Variants in AGPAT4 observed in about 807,000 individuals in gnomAD.
The protein encoded by AGPAT4 is 1-acylglycerol-3-phosphate O-acyltransferase 4, also known as 1-acyl-sn-glycerol-3-phosphate acyltransferase delta.
Under a neutral mutation model 48.0 loss-of-function variants are expected in AGPAT4, and 15 were observed. The observed-to-expected ratio is 0.31, with a 90% confidence interval of 0.21 to 0.48. The LOEUF is 0.48. Ranked by LOEUF, AGPAT4 falls within the 20% of genes least tolerant of loss-of-function variation. The pLI, the probability that AGPAT4 is intolerant of heterozygous loss-of-function variation, is 0.99. For synonymous variants in AGPAT4, 178 were observed against 198.7 expected (o/e 0.90, Z 0.88); for missense variants, 314 against 482.5 (o/e 0.65, Z 3.27).
chr6:161,166,099 G>T lies in AGPAT4; in HGVS notation c.348+149C>A, dbSNP rs1780088440. On this transcript the variant is annotated intron_variant, in intron 3 of 8. Transcript: ENST00000320285. The surrounding 1 kb of genome is among the most constrained non-coding windows in gnomAD (Gnocchi z 6.7). ...AGCTGTTAAGACTGACTCCCAGCAA[G>T]AATAAAAAGCAGTTTATTAGGACCA... 1 of 1,058,626 alleles carries T rather than the reference G, an allele frequency of 9.4e-7. No homozygotes were observed. Among genetic ancestry groups the T allele is most frequent in the Non-Finnish European group, 1.4e-6 (1 of 732,372 alleles). The allele number at this position is 1,058,626 out of a possible 1,614,324, so 65.6% of individuals were successfully genotyped here. A position where few individuals can be genotyped will look rare whatever the true frequency, so the allele number is the denominator to read the frequency against.
Position 161,195,628 on chromosome 6 carries a change from G to A in AGPAT4, c.179-29211C>T, listed in dbSNP as rs1337493142. Among the ~76,000 whole-genome samples, 2 of 152,240 alleles carry A rather than the reference G, an allele frequency of 1.3e-5. No individual in the cohort carries two copies. Among genetic ancestry groups the A allele is most frequent in the African/African-American group, 4.8e-5 (2 of 41,458 alleles). ...TCATCATGTGATCAAAGCTGCAGAA[G>A]GAGAAAGAGACCTTGCATCAGGCTG... On this transcript the variant is annotated intron_variant, in intron 2 of 8. Coordinates refer to ENST00000320285, the MANE Select transcript of AGPAT4 (RefSeq NM_020133.3). The surrounding 1 kb of genome is among the most constrained non-coding windows in gnomAD (Gnocchi z 5.0).
Position 161,202,369 on chromosome 6 carries a change from A to AATGTC in AGPAT4, c.178+29662_178+29666dup, listed in dbSNP as rs1292581679. 5.3e-5 allele frequency among the ~76,000 whole-genome samples: 8 copies of AATGTC among 151,846 alleles called. No homozygotes were observed. Among genetic ancestry groups the AATGTC allele is most frequent in the African/African-American group, 1.7e-4 (7 of 41,322 alleles). ...TGATGCCTGAATGTCTTCATGCTTGAATGTCATGGTAGTTGGCTTCCTCTG... is the reference window on the plus strand; with the variant it reads ...TGATGCCTGAATGTCTTCATGCTTGAATGTCATGTCATGGTAGTTGGCTTCCTCTG... On this transcript the variant is annotated intron_variant, in intron 2 of 8. Transcript: ENST00000320285. This position sits in a 1 kb window ranked among gnomAD's most constrained non-coding sequence, Gnocchi z 5.4.
At chr6:161,176,459 C>A (rs1780431175) in intron 2 of AGPAT4, among the ~76,000 whole-genome samples, 1 of 152,140 alleles carries the variant, frequency 6.6e-6, no homozygotes, top group Non-Finnish European at 1.5e-5. Flanking sequence ...GGATTTGCAA[C>A]CCCTGCTTTT....
intron 2 of AGPAT4, among the ~76,000 whole-genome samples, chr6:161,209,197 A>G (rs1781459805): frequency 6.6e-6 from 1 of 152,090 alleles, no homozygotes; most frequent in Non-Finnish European, 1.5e-5. Flanking sequence ...CCCTCTGGAG[A>G]AGAGCTGAGC....
At position 161,198,612 on chromosome 6, in the gene AGPAT4, C is replaced by T. The variant is rs1781133590; in HGVS notation, c.179-32195G>A. ...CTGGGTTACATCCTGGCCCCACCATCTACTACTTGTGAGACTTTGGACATG... is the reference window on the plus strand; with the variant it reads ...CTGGGTTACATCCTGGCCCCACCATTTACTACTTGTGAGACTTTGGACATG... On this transcript the variant is annotated intron_variant, in intron 2 of 8. Coordinates refer to ENST00000320285, the MANE Select transcript of AGPAT4 (RefSeq NM_020133.3). This position sits in a 1 kb window ranked among gnomAD's most constrained non-coding sequence, Gnocchi z 4.3. 6.6e-6 allele frequency among the ~76,000 whole-genome samples: 1 copy of T among 152,244 alleles called. No homozygotes were observed. The highest frequency in any genetic ancestry group is 2.4e-5 in the African/African-American group (1 of 41,460).
rs563689060 is a variant in AGPAT4, at chr6:161,189,497, C to T, written c.179-23080G>A. Among the ~76,000 whole-genome samples the T allele has an allele frequency of 7.2e-5, 11 of 152,228 alleles. No individual in the cohort carries two copies. The highest frequency in any genetic ancestry group is 2.9e-5 in the Non-Finnish European group (2 of 68,036). On this transcript the variant is annotated intron_variant, in intron 2 of 8. Transcript: ENST00000320285. The surrounding 1 kb of genome is among the most constrained non-coding windows in gnomAD (Gnocchi z 5.3). ...TGAGGCTCGTCACATGCGGAATTCA[C>T]TTACTTACAACCTTAGTTGCCCGTC... is the stretch of plus-strand genomic sequence containing the variant.
chr6:161,153,737 G>T (rs910722), intron 4 of AGPAT4, among the ~76,000 whole-genome samples: 25,304 of 108,456 alleles, frequency 0.23, 2,967 homozygotes, highest in African/African-American at 0.35. Context: ...AGCCCCAGGG[G>T]CACATATGGC....
At position 161,204,751 on chromosome 6, in the gene AGPAT4, C is replaced by T. The variant is rs1337409079; in HGVS notation, c.178+27285G>A. ...TGCCAAGCAGAGAGGATACAGACCA[C>T]GGTGGGGCTGATCAAAGAGGCAGGA... is the stretch of plus-strand genomic sequence containing the variant. On this transcript the variant is annotated intron_variant, in intron 2 of 8. Coordinates refer to ENST00000320285, the MANE Select transcript of AGPAT4 (RefSeq NM_020133.3). The surrounding 1 kb of genome is among the most constrained non-coding windows in gnomAD (Gnocchi z 4.4). 7.2e-5 allele frequency among the ~76,000 whole-genome samples: 11 copies of T among 152,000 alleles called. No individual in the cohort carries two copies. Among genetic ancestry groups the T allele is most frequent in the Non-Finnish European group, 1.5e-4 (10 of 68,022 alleles).
Position 161,232,354 on chromosome 6 carries a change from A to G in AGPAT4, c.-89-52T>C. ...TAGCAAAAACACGATGTGCTTTTAG[A>G]GTCAGAAAAAAAGTGCTCTGAAAAG... On this transcript the variant is annotated intron_variant, in intron 1 of 8. Coordinates refer to ENST00000320285, the MANE Select transcript of AGPAT4 (RefSeq NM_020133.3). The surrounding 1 kb of genome is among the most constrained non-coding windows in gnomAD (Gnocchi z 6.8). The G allele has an allele frequency of 1.2e-6, 1 of 849,454 alleles. No homozygotes were observed. Among genetic ancestry groups the G allele is most frequent in the Non-Finnish European group, 1.8e-6 (1 of 567,044 alleles). 52.6% of individuals were successfully genotyped at this position (849,454 alleles called of 1,614,324 possible).
rs138586895 is a variant in AGPAT4 at position 161,183,753 on chromosome 6, G to A, written c.179-17336C>T. On this transcript the variant is annotated intron_variant, in intron 2 of 8. Transcript: ENST00000320285. ...AGAGGGGAGGGGAGGGGAGGGGAGG[G>A]AGGCTGATCCTTCTGGGGGGCCCAG... Among the ~76,000 whole-genome samples the A allele has an allele frequency of 4.8e-3, 638 of 131,970 alleles. 13 individuals carry two copies. Among genetic ancestry groups the A allele is most frequent in the African/African-American group, 0.017 (582 of 34,590 alleles). The allele number at this position is 131,970 out of a possible 152,430, so 86.6% of individuals were successfully genotyped here.
chr6:161,247,589 G>A (rs1422040706), intron 1 of AGPAT4, among the ~76,000 whole-genome samples: 1 of 152,104 alleles, frequency 6.6e-6, no homozygotes, highest in African/African-American at 2.4e-5. Flanking sequence ...CAAACCCACA[G>A]CCAACACATC....
Position 161,223,040 on chromosome 6 carries a change from C to A in AGPAT4, c.178+8996G>T, listed in dbSNP as rs1359171775. On this transcript the variant is annotated intron_variant, in intron 2 of 8. Transcript: ENST00000320285. The surrounding 1 kb of genome is among the most constrained non-coding windows in gnomAD (Gnocchi z 6.3). Reference sequence around the variant, plus strand: ...GCTGCTTCACGGGGACGTCGCTGCGCCCTGCACAGGATGGCTGGGCTGTCC... The same window carrying A: ...GCTGCTTCACGGGGACGTCGCTGCGACCTGCACAGGATGGCTGGGCTGTCC... Among the ~76,000 whole-genome samples the A allele has an allele frequency of 6.6e-6, 1 of 152,170 alleles. No homozygotes were observed. Among genetic ancestry groups the A allele is most frequent in the African/African-American group, 2.4e-5 (1 of 41,442 alleles).
chr6:161,160,868 G>GT (rs1056690009), intron 3 of AGPAT4: 2 of 396,270 alleles, frequency 5.0e-6, no homozygotes, highest in African/African-American at 4.1e-5. Context: ...CGTTACAGGG[G>GT]TAGGTGGGAA....
chr6:161,213,055 C>T (rs1469928611), intron 2 of AGPAT4, among the ~76,000 whole-genome samples: 1 of 152,218 alleles, frequency 6.6e-6, no homozygotes, highest in Non-Finnish European at 1.5e-5. Context: ...GCACAGGGTT[C>T]CTGACCTGTG....
At position 161,204,233 on chromosome 6, in the gene AGPAT4, AT is replaced by A. The variant is rs1781318155; in HGVS notation, c.178+27802del. Among the ~76,000 whole-genome samples the A allele has an allele frequency of 6.6e-6, 1 of 152,220 alleles. No homozygotes were observed. Among genetic ancestry groups the A allele is most frequent in the South Asian group, 2.1e-4 (1 of 4,832 alleles). On this transcript the variant is annotated intron_variant, in intron 2 of 8. Transcript: ENST00000320285. This position sits in a 1 kb window ranked among gnomAD's most constrained non-coding sequence, Gnocchi z 4.4. ...GTACATAAAAGGGATTTGTGTGTTT[AT>A]TAATAATTTTGTCTATCTTTCTATA...
intron 2 of AGPAT4, among the ~76,000 whole-genome samples, chr6:161,167,137 T>C (rs1380188096): frequency 6.6e-6 from 1 of 152,016 alleles, no homozygotes; most frequent in Non-Finnish European, 1.5e-5. Context: ...AGAAAAACAG[T>C]TGAATGTGGG....
At chr6:161,187,475 T>G (rs1339013248) in intron 2 of AGPAT4, among the ~76,000 whole-genome samples, 2 of 152,158 alleles carry the variant, frequency 1.3e-5, no homozygotes, top group South Asian at 4.2e-4. Context: ...ACAGCAAAAA[T>G]CAGTTAAGGA....
intron 2 of AGPAT4, among the ~76,000 whole-genome samples, chr6:161,227,788 G>A (rs1782022661): frequency 6.6e-6 from 1 of 152,202 alleles, no homozygotes; most frequent in Admixed American, 6.5e-5. Flanking sequence ...ACGCAGTAGT[G>A]TTGTAAGAGG....
intron 1 of AGPAT4, among the ~76,000 whole-genome samples, chr6:161,269,943 G>A (rs960054332): frequency 6.6e-6 from 1 of 152,160 alleles, no homozygotes; most frequent in Non-Finnish European, 1.5e-5. Context: ...ACAAGATAAC[G>A]ACAAACAATG....
Sources: allele counts gnomAD v4.1 joint callset (sites outside exome capture counted in the v4.1 genomes callset), GRCh38; gene constraint gnomAD v4.1.1; non-coding constraint Gnocchi (gnomAD v3.1); transcripts MANE v1.5; gene names NCBI Gene and HGNC (gene_info 2026-07-23, HGNC 2026-07-21).